FBXO40: variants seen among roughly 807,000 people sequenced by gnomAD.
FBXO40 encodes F-box only protein 40.
FBXO40 carries 50 observed loss-of-function variants against 49.9 expected under a neutral mutation model. The observed-to-expected ratio is 1.00, with a 90% CI of 0.80 to 1.27. The LOEUF (loss-of-function observed/expected upper bound fraction) is 1.27, where lower values mean the gene tolerates loss of function less well. Among genes scored for constraint, FBXO40 ranks in the 50% most tolerant of loss-of-function variants. FBXO40 has a pLI of 0.00. For missense variants in FBXO40, 895 were observed against 870.1 expected (o/e 1.03, Z -0.36); for synonymous variants, 340 against 320.2 (o/e 1.06, Z -0.66).
intron 1 of FBXO40, among the ~76,000 whole-genome samples, chr3:121,604,819 C>T (rs2048922562): frequency 6.6e-6 from 1 of 152,144 alleles, no homozygotes; most frequent in Non-Finnish European, 1.5e-5. Context: ...ATGACCTCAA[C>T]ATGCCAGATA....
In FBXO40 at chr3:121,627,143, T is replaced by C. The variant is rs993790983; in HGVS notation, c.*233T>C. On this transcript the variant is annotated 3_prime_UTR_variant, in exon 4 of 4. Transcript: ENST00000338040. ...ACTTGTTTCCTTTTTTCTTTTCTTTTCTTTTCTTTTTTCTTTCTTTCTAAA... is the reference window on the plus strand; with the variant it reads ...ACTTGTTTCCTTTTTTCTTTTCTTTCCTTTTCTTTTTTCTTTCTTTCTAAA... 1 of 528,396 alleles carries C rather than the reference T, an allele frequency of 1.9e-6. No individual in the cohort carries two copies. The highest frequency in any genetic ancestry group is 3.3e-5 in the Admixed American group (1 of 29,888). 32.7% of individuals were successfully genotyped at this position (528,396 alleles called of 1,614,324 possible).
intron 1 of FBXO40, among the ~76,000 whole-genome samples, chr3:121,595,001 C>T (rs913022179): frequency 6.6e-6 from 1 of 152,166 alleles, no homozygotes; most frequent in African/African-American, 2.4e-5. Flanking sequence ...TTGTTTTTCA[C>T]TGGTTCAAAG....
Position 121,608,850 on chromosome 3 carries a change from A to G in FBXO40, c.-30-11696A>G, listed in dbSNP as rs118098632. Among the ~76,000 whole-genome samples the G allele has an allele frequency of 2.0e-5, 3 of 152,350 alleles. No individual in the cohort carries two copies. In the East Asian group the frequency reaches 5.8e-4, roughly 29 times the overall value. ...CCCCAATTTTTGGACAAGAACATCCAAGACCATACCTTGCTTTTTGGCCAC... is the reference window on the plus strand; with the variant it reads ...CCCCAATTTTTGGACAAGAACATCCGAGACCATACCTTGCTTTTTGGCCAC... On this transcript the variant is annotated intron_variant, in intron 1 of 3. Coordinates refer to ENST00000338040, the MANE Select transcript of FBXO40 (RefSeq NM_016298.4).
Position 121,622,866 on chromosome 3 carries a change from C to G in FBXO40, c.1437C>G (p.Cys479Trp), listed in dbSNP as rs767246396. Residue 479 changes from cysteine to tryptophan, a missense_variant, in exon 3 of 4, where the codon TGC becomes TGG. By Grantham distance (215) the Cys-to-Trp change is radical. Transcript: ENST00000338040. ...GCAGCTCTGCCTTCACTTTCACTTG[C>G]AACAAATTCTTCAGGAGGGATGAGT... ...NKSSSAFTFTCNKFFRRDEFP... is the reference protein window; with the variant it reads ...NKSSSAFTFTWNKFFRRDEFP... 1.9e-6 allele frequency: 3 copies of G among 1,614,178 alleles called. No homozygotes were observed. The Admixed American group carries it at 5.0e-5, about 27-fold the overall frequency.
rs918348596 is a variant in FBXO40 at position 121,626,736 on chromosome 3, G to A, written c.1956G>A (p.Trp652Ter). Reference protein sequence around the residue: ...FSSLFSKIKSWEFNEVTSMSE... With the variant: ...FSSLFSKIKS ...GCCTCTTCTCCAAAATCAAGAGCTGGGAGTTTAATGAAGTCACCTCCATGT... is the reference window on the plus strand; with the variant it reads ...GCCTCTTCTCCAAAATCAAGAGCTGAGAGTTTAATGAAGTCACCTCCATGT... Residue 652 changes from tryptophan (W) to a stop codon, truncating the protein, a stop_gained, in exon 4 of 4, where the codon TGG becomes TGA. Transcript: ENST00000338040. LOFTEE classifies it high-confidence loss of function. 12 of 1,614,114 alleles carry A rather than the reference G, an allele frequency of 7.4e-6. No homozygotes were observed. Among genetic ancestry groups the A allele is most frequent in the Non-Finnish European group, 1.0e-5 (12 of 1,180,022 alleles).
At chr3:121,605,525 C>A (rs1375441463) in intron 1 of FBXO40, among the ~76,000 whole-genome samples, 1 of 152,208 alleles carries the variant, frequency 6.6e-6, no homozygotes, top group Non-Finnish European at 1.5e-5. Flanking sequence ...TTGTTCCTAA[C>A]ACAGTGGGAC....
chr3:121,594,431 C>A (rs574673982), intron 1 of FBXO40, among the ~76,000 whole-genome samples: 2 of 152,276 alleles, frequency 1.3e-5, no homozygotes, highest in South Asian at 4.1e-4. Context: ...GAACTCCTGG[C>A]CTCAAGTGAT....
Position 121,622,883 on chromosome 3 carries a change from G to A in FBXO40, c.1454G>A (p.Arg485Lys), listed in dbSNP as rs1043441988. The A allele has an allele frequency of 1.1e-5, 17 of 1,614,180 alleles. No individual in the cohort carries two copies. The highest frequency in any genetic ancestry group is 1.4e-5 in the Non-Finnish European group (17 of 1,180,036). Reference protein sequence around the residue: ...FTFTCNKFFRRDEFPLHFKNV... With the variant: ...FTFTCNKFFRKDEFPLHFKNV... ...TTCACTTGCAACAAATTCTTCAGGA[G>A]GGATGAGTTCCCCCTGCACTTCAAG... is the stretch of plus-strand genomic sequence containing the variant. Residue 485 changes from arginine (R) to lysine (K), a missense_variant, in exon 3 of 4, where the codon AGG (arginine) becomes AAG (lysine). By Grantham distance (26) the Arg-to-Lys change is conservative. Coordinates refer to ENST00000338040, the MANE Select transcript of FBXO40 (RefSeq NM_016298.4).
intron 1 of FBXO40, among the ~76,000 whole-genome samples, chr3:121,597,804 G>T (rs1037992157): frequency 3.3e-5 from 5 of 151,828 alleles, no homozygotes; most frequent in Non-Finnish European, 5.9e-5. Flanking sequence ...TGGGATTACA[G>T]GTGCCTGACA....
intron 1 of FBXO40, among the ~76,000 whole-genome samples, chr3:121,603,606 T>A (rs759342714): frequency 8.5e-5 from 13 of 152,250 alleles, no homozygotes; most frequent in Non-Finnish European, 1.5e-4. Flanking sequence ...CAGCTTGGGA[T>A]GTGGCTATTT....
At position 121,613,276 on chromosome 3, in the gene FBXO40, T is replaced by A. The variant is rs6772153; in HGVS notation, c.-30-7270T>A. ...CTGAAAGGGACAAGATAATTCTTAGTGCCAATTTGGCCAAGGGAGGAACTA... is the reference window on the plus strand; with the variant it reads ...CTGAAAGGGACAAGATAATTCTTAGAGCCAATTTGGCCAAGGGAGGAACTA... On this transcript the variant is annotated intron_variant, in intron 1 of 3. Transcript: ENST00000338040. Among the ~76,000 whole-genome samples the A allele has an allele frequency of 9.1e-3, 1,386 of 152,228 alleles. 18 individuals are homozygous for A. The highest frequency in any genetic ancestry group is 0.032 in the African/African-American group (1,311 of 41,524).
At chr3:121,601,642 T>C (rs2048901893) in intron 1 of FBXO40, among the ~76,000 whole-genome samples, 2 of 152,214 alleles carry the variant, frequency 1.3e-5, no homozygotes, top group African/African-American at 4.8e-5. Context: ...ACTGCACGCA[T>C]AGAAGCACAC....
At chr3:121,610,524 CATGA>C (rs1423737798) in intron 1 of FBXO40, among the ~76,000 whole-genome samples, 1 of 152,156 alleles carries the variant, frequency 6.6e-6, no homozygotes, top group Non-Finnish European at 1.5e-5. Flanking sequence ...TCATCCTTTC[CATGA>C]GTAATTTCCC....
intron 1 of FBXO40, among the ~76,000 whole-genome samples, chr3:121,598,621 T>G (rs1158530981): frequency 2.6e-5 from 4 of 152,194 alleles, no homozygotes; most frequent in African/African-American, 9.7e-5. Flanking sequence ...AGACTGATTA[T>G]AAACCCATTG....
At chr3:121,605,381 G>A (rs1289809436) in intron 1 of FBXO40, among the ~76,000 whole-genome samples, 2 of 152,156 alleles carry the variant, frequency 1.3e-5, no homozygotes, top group African/African-American at 4.8e-5. Flanking sequence ...ATATCAGTTG[G>A]GTTTTGGTCG....
chr3:121,627,136 TTTC>T lies in FBXO40; in HGVS notation c.*229_*231del. On this transcript the variant is annotated 3_prime_UTR_variant, in exon 4 of 4. Transcript: ENST00000338040. ...ATTGATGACTTGTTTCCTTTTTTCT[TTTC>T]TTTTCTTTTCTTTTTTCTTTCTTTC... 1.9e-6 allele frequency: 1 copy of T among 527,908 alleles called. No individual in the cohort carries two copies. Among genetic ancestry groups the T allele is most frequent in the East Asian group, 3.2e-5 (1 of 31,378 alleles). 32.7% of individuals were successfully genotyped at this position (527,908 alleles called of 1,614,324 possible). A position where few individuals can be genotyped will look rare whatever the true frequency, so the allele number is the denominator to read the frequency against.
chr3:121,622,830 A>G lies in FBXO40; in HGVS notation c.1401A>G (p.Arg467=). ...TCCACAGCGAGTGTGTGACCAGGAG[A>G]CACAACAAAAGCAGCTCTGCCTTCA... ...VELHSECVTR[R]HNKSSSAFTF... Residue 467 remains arginine, a synonymous_variant, in exon 3 of 4, where the codon AGA becomes AGG. Transcript: ENST00000338040. 3.1e-6 allele frequency: 5 copies of G among 1,614,166 alleles called. No homozygotes were observed. Among genetic ancestry groups the G allele is most frequent in the African/African-American group, 1.3e-5 (1 of 75,036 alleles).
At chr3:121,601,722 T>C (rs1449545313) in intron 1 of FBXO40, among the ~76,000 whole-genome samples, 2 of 152,258 alleles carry the variant, frequency 1.3e-5, no homozygotes, top group East Asian at 3.8e-4. Context: ...GGCTGGCATA[T>C]ATGAAGTTAG....
rs934090853 is a variant in FBXO40, at chr3:121,621,448, T to C, written c.19T>C (p.Ser7Pro). 5.6e-6 allele frequency: 9 copies of C among 1,613,202 alleles called. No individual in the cohort carries two copies. The East Asian group carries it at 1.1e-4, about 20-fold the overall frequency. Reference protein sequence around the residue: MGKARRSPPGHHRHCEG... With the variant: MGKARRPPPGHHRHCEG... ...GTGTGTCCAGGGGAAAGCCCGCAGA[T>C]CCCCGCCAGGGCACCACAGGCATTG... Residue 7 changes from serine to proline, a missense_variant, in exon 3 of 4, where the codon TCC (serine) becomes CCC (proline). Coordinates refer to ENST00000338040, the MANE Select transcript of FBXO40 (RefSeq NM_016298.4).
Sources: allele counts gnomAD v4.1 joint callset (sites outside exome capture counted in the v4.1 genomes callset), GRCh38; gene constraint gnomAD v4.1.1; transcripts MANE v1.5; gene names NCBI Gene and HGNC (gene_info 2026-07-23, HGNC 2026-07-21).